The following ZNF695 variants were observed in gnomAD, a reference collection of about 807,000 sequenced individuals.
ZNF695 encodes zinc finger protein SBZF3.
A neutral mutation model predicts 11.2 loss-of-function variants in ZNF695; 11 were observed. That is an observed-to-expected ratio of 0.98 (90% confidence interval 0.62 to 1.62). The LOEUF (loss-of-function observed/expected upper bound fraction) is 1.62. ZNF695 is among the 40% of genes most tolerant of loss of function. ZNF695 has a pLI of 0.00. For missense variants in ZNF695, 559 were observed against 590.5 expected (o/e 0.95, Z 0.55); for synonymous variants, 190 against 201.4 (o/e 0.94, Z 0.48).
chr1:246,960,721 C>T (rs530449325), intron 5 of ZNF695, among the ~76,000 whole-genome samples: 24 of 152,248 alleles, frequency 1.6e-4, no homozygotes, highest in African/African-American at 5.8e-4. Flanking sequence ...CGGTGGATCC[C>T]TTGAGCCCAG....
intron 4 of ZNF695, among the ~76,000 whole-genome samples, chr1:246,971,644 C>T (rs1668429118): frequency 6.6e-6 from 1 of 152,134 alleles, no homozygotes; most frequent in African/African-American, 2.4e-5. Context: ...TCTGTTTGGC[C>T]TGGTTTTTCC....
chr1:246,958,966 C>A (rs77594496), intron 5 of ZNF695, among the ~76,000 whole-genome samples: 2,458 of 151,840 alleles, frequency 0.016, 35 homozygotes, highest in African/African-American at 0.038. Context: ...GTAAATTATC[C>A]TTACTCTCCT....
chr1:246,970,151 G>A (rs1416597090), intron 4 of ZNF695, among the ~76,000 whole-genome samples: 1 of 152,186 alleles, frequency 6.6e-6, no homozygotes, highest in East Asian at 1.9e-4. Context: ...TTAATTCAAA[G>A]TAAACTAGTG....
intron 3 of ZNF695, among the ~76,000 whole-genome samples, chr1:246,988,476 T>A (rs904883026): frequency 3.7e-4 from 56 of 152,148 alleles, no homozygotes; most frequent in African/African-American, 1.3e-3. Flanking sequence ...TGACGTACAA[T>A]GAAGCTCCAG....
intron 5 of ZNF695, among the ~76,000 whole-genome samples, chr1:246,958,743 A>G (rs1668072073): frequency 6.6e-6 from 1 of 152,210 alleles, no homozygotes; most frequent in Non-Finnish European, 1.5e-5. Context: ...GGTGCGAGAT[A>G]ATACACGATG....
At chr1:246,994,217 G>A (rs1199966222) in intron 3 of ZNF695, among the ~76,000 whole-genome samples, 1 of 152,104 alleles carries the variant, frequency 6.6e-6, no homozygotes, top group Non-Finnish European at 1.5e-5. Flanking sequence ...AAAAAAATTT[G>A]TATGTGACTG....
intron 5 of ZNF695, among the ~76,000 whole-genome samples, chr1:246,955,356 T>C (rs1667970764): frequency 6.6e-6 from 1 of 152,212 alleles, no homozygotes. Flanking sequence ...GTATTTGTGA[T>C]AGAAATTTTT....
At chr1:246,954,463 G>A (rs1667942062) in intron 5 of ZNF695, among the ~76,000 whole-genome samples, 3 of 152,138 alleles carry the variant, frequency 2.0e-5, no homozygotes, top group Non-Finnish European at 2.9e-5. Flanking sequence ...TCCAAAACTG[G>A]CAGTCACCGT....
At chr1:246,946,546 C>T (rs1667739945) in intron 5 of ZNF695, among the ~76,000 whole-genome samples, 1 of 152,224 alleles carries the variant, frequency 6.6e-6, no homozygotes, top group South Asian at 2.1e-4. Context: ...TGGCATCTGG[C>T]TGGCAGCCAG....
At chr1:246,945,866 G>A (rs6426191) in intron 5 of ZNF695, 555,567 of 1,548,812 alleles carry the variant, frequency 0.36, 100,878 homozygotes, top group Middle Eastern at 0.42. Flanking sequence ...TTAAGGTTCC[G>A]AGTAGCTCCT....
chr1:246,963,750 G>A (rs545192105), intron 5 of ZNF695, among the ~76,000 whole-genome samples: 14 of 152,206 alleles, frequency 9.2e-5, no homozygotes, highest in Middle Eastern at 3.4e-3. Flanking sequence ...TCCCCACACC[G>A]ACCAATTCTC....
At chr1:246,982,988 G>C (rs1412035607), downstream of ZNF695, among the ~76,000 whole-genome samples, 1 of 152,010 alleles carries the variant, frequency 6.6e-6, no homozygotes, top group Admixed American at 6.6e-5. Context: ...TGGATCATGA[G>C]GTCAGGAGAT....
chr1:247,002,567 C>T (rs1414810136), intron 1 of ZNF695, among the ~76,000 whole-genome samples: 3 of 152,178 alleles, frequency 2.0e-5, no homozygotes, highest in Admixed American at 1.3e-4. Flanking sequence ...AGGCAGATCA[C>T]CTGAGGTCAG....
chr1:246,988,613 A>G (rs982585688), intron 3 of ZNF695, among the ~76,000 whole-genome samples: 4 of 152,196 alleles, frequency 2.6e-5, no homozygotes, highest in African/African-American at 4.8e-5. Context: ...AATATCCTTC[A>G]AACATAAAGA....
At chr1:246,956,115 G>A (rs1667988820) in intron 5 of ZNF695, among the ~76,000 whole-genome samples, 1 of 150,664 alleles carries the variant, frequency 6.6e-6, no homozygotes, top group Admixed American at 6.6e-5. Flanking sequence ...AGCCTCCCAA[G>A]TAGCTGAGAT....
chr1:246,980,178 TAAAAA>T (rs71566679), intron 4 of ZNF695, among the ~76,000 whole-genome samples: 2 of 88,758 alleles, frequency 2.3e-5, no homozygotes, highest in African/African-American at 9.6e-5. Flanking sequence ...ACTCTGTATT[TAAAAA>T]AAAAAAAAAA....
intron 3 of ZNF695, among the ~76,000 whole-genome samples, chr1:246,998,329 C>T (rs1669265386): frequency 1.3e-5 from 2 of 152,054 alleles, no homozygotes. Context: ...TCTACACTCC[C>T]CAACGACCCA....
intron 4 of ZNF695, chr1:246,967,840 C>T (rs1440568385): frequency 3.7e-6 from 1 of 267,092 alleles, no homozygotes; most frequent in South Asian, 3.8e-5. Flanking sequence ...CACTTTTAAA[C>T]AATCAAGTAT....
At chr1:246,962,205 A>G (rs1668179539) in intron 5 of ZNF695, among the ~76,000 whole-genome samples, 1 of 152,224 alleles carries the variant, frequency 6.6e-6, no homozygotes, top group Non-Finnish European at 1.5e-5. Context: ...CTCAGGTCAG[A>G]CTTCCTGTCA....
Sources: allele counts gnomAD v4.1 joint callset (sites outside exome capture counted in the v4.1 genomes callset), GRCh38; gene constraint gnomAD v4.1.1; transcripts MANE v1.5; gene names NCBI Gene and HGNC (gene_info 2026-07-23, HGNC 2026-07-21).